CTXND2: variants seen among roughly 807,000 people sequenced by gnomAD.
CTXND2 encodes the protein cortexin domain containing 2.
intron 1 of CTXND2, among the ~76,000 whole-genome samples, chr1:150,888,835 T>C (rs1668809267): frequency 6.6e-6 from 1 of 151,754 alleles, no homozygotes; most frequent in South Asian, 2.1e-4. Context: ...GGAGGGACTA[T>C]AGGTGCGTGC....
At chr1:150,907,330 C>G (rs971998348) in intron 1 of CTXND2, among the ~76,000 whole-genome samples, 1 of 152,144 alleles carries the variant, frequency 6.6e-6, no homozygotes, top group African/African-American at 2.4e-5. Flanking sequence ...ACTTTCACCC[C>G]CTCATCCCCC....
chr1:150,902,353 G>A (rs1669053772), intron 1 of CTXND2, among the ~76,000 whole-genome samples: 1 of 151,802 alleles, frequency 6.6e-6, no homozygotes, highest in Non-Finnish European at 1.5e-5. Context: ...CTTGCAGTGA[G>A]CTGAGATTGG....
chr1:150,904,383 T>C (rs1289694910), intron 1 of CTXND2, among the ~76,000 whole-genome samples: 2 of 152,240 alleles, frequency 1.3e-5, no homozygotes, highest in Non-Finnish European at 2.9e-5. Flanking sequence ...TAAATGAATA[T>C]GTTCAGTTTT....
chr1:150,891,937 A>G (rs978312015), intron 1 of CTXND2, among the ~76,000 whole-genome samples: 1 of 152,198 alleles, frequency 6.6e-6, no homozygotes, highest in Non-Finnish European at 1.5e-5. Flanking sequence ...CAGGAAGTAC[A>G]GATTTTTTTA....
intron 1 of CTXND2, among the ~76,000 whole-genome samples, chr1:150,900,621 C>T (rs1210362918): frequency 1.3e-5 from 2 of 151,690 alleles, no homozygotes; most frequent in Non-Finnish European, 1.5e-5. Flanking sequence ...GCATTCCAGC[C>T]TGGGCCACAG....
At chr1:150,904,034 T>C (rs1334771089) in intron 1 of CTXND2, 3 of 655,048 alleles carry the variant, frequency 4.6e-6, no homozygotes, top group Non-Finnish European at 8.6e-6. Context: ...GGCTGTTGGA[T>C]TCTCTTACAC....
At chr1:150,895,280 A>AT (rs1668901846) in intron 1 of CTXND2, among the ~76,000 whole-genome samples, 1 of 151,724 alleles carries the variant, frequency 6.6e-6, no homozygotes, top group African/African-American at 2.4e-5. Context: ...GATGTTTGTC[A>AT]TTTTTTGTCT....
rs587736479 is a variant in CTXND2 at position 150,911,987 on chromosome 1, G to A, written c.-73-255G>A. ...TACCTGGATCTTAGGGGACAAGGCA[G>A]GCCCAACTGATTCCTAGGTTATATA... On this transcript the variant is annotated intron_variant, in intron 1 of 1. Transcript: ENST00000636087. 2.7e-4 allele frequency among the ~76,000 whole-genome samples: 41 copies of A among 152,290 alleles called. No homozygotes were observed. In the South Asian group the frequency reaches 7.2e-3, roughly 27 times the overall value.
At chr1:150,887,830 G>A (rs1668793461) in intron 1 of CTXND2, among the ~76,000 whole-genome samples, 1 of 149,634 alleles carries the variant, frequency 6.7e-6, no homozygotes, top group Non-Finnish European at 1.5e-5. Flanking sequence ...TTGCAGGTGG[G>A]AAGAATGAAG....
At chr1:150,900,121 C>A (rs756082748) in intron 1 of CTXND2, among the ~76,000 whole-genome samples, 1 of 152,096 alleles carries the variant, frequency 6.6e-6, no homozygotes, top group Admixed American at 6.6e-5. Context: ...CGTGTGGAGG[C>A]TGTATTCTTT....
At chr1:150,905,998 A>C (rs1232076785) in intron 1 of CTXND2, among the ~76,000 whole-genome samples, 1 of 148,466 alleles carries the variant, frequency 6.7e-6, no homozygotes, top group Non-Finnish European at 1.5e-5. Flanking sequence ...TCAAAAAAAA[A>C]AGAAGGATGA....
intron 1 of CTXND2, among the ~76,000 whole-genome samples, chr1:150,909,822 A>G (rs1669217756): frequency 6.6e-6 from 1 of 152,172 alleles, no homozygotes; most frequent in Non-Finnish European, 1.5e-5. Context: ...GCAGCAGAGG[A>G]AACCGGAACT....
intron 1 of CTXND2, chr1:150,904,072 C>T: frequency 1.5e-6 from 1 of 664,942 alleles, no homozygotes; most frequent in South Asian, 1.4e-5. Flanking sequence ...AAGGCATCAT[C>T]TGGGGAGAGG....
chr1:150,905,844 G>T (rs1270400474), intron 1 of CTXND2, among the ~76,000 whole-genome samples: 2 of 151,964 alleles, frequency 1.3e-5, no homozygotes, highest in African/African-American at 4.8e-5. Context: ...CAAAAAATTA[G>T]CCGGGTGTGG....
chr1:150,905,911 A>C (rs1669136392), intron 1 of CTXND2, among the ~76,000 whole-genome samples: 1 of 149,580 alleles, frequency 6.7e-6, no homozygotes, highest in Admixed American at 6.7e-5. Flanking sequence ...AATGGCGTGA[A>C]CCCGGGAGGC....
At chr1:150,907,601 A>G (rs1669171731) in intron 1 of CTXND2, among the ~76,000 whole-genome samples, 1 of 152,286 alleles carries the variant, frequency 6.6e-6, no homozygotes, top group African/African-American at 2.4e-5. Flanking sequence ...GCTATGATGA[A>G]TAATGCTGCT....
chr1:150,892,180 A>G (rs1225244162), intron 1 of CTXND2, among the ~76,000 whole-genome samples: 2 of 152,228 alleles, frequency 1.3e-5, no homozygotes, highest in Non-Finnish European at 2.9e-5. Flanking sequence ...GTAATGATGA[A>G]TAATGAGAAA....
intron 1 of CTXND2, among the ~76,000 whole-genome samples, chr1:150,911,942 T>TCAGATGTTTAA (rs1669262929): frequency 6.6e-6 from 1 of 152,192 alleles, no homozygotes; most frequent in South Asian, 2.1e-4. Flanking sequence ...AACACAGAAT[T>TCAGATGTTTAA]CAGATGTTTA....
At chr1:150,897,766 T>C (rs1204101193) in intron 1 of CTXND2, among the ~76,000 whole-genome samples, 1 of 152,216 alleles carries the variant, frequency 6.6e-6, no homozygotes, top group Non-Finnish European at 1.5e-5. Flanking sequence ...AATATATATA[T>C]ACACCCAAAG....
Sources: allele counts gnomAD v4.1 joint callset (sites outside exome capture counted in the v4.1 genomes callset), GRCh38; gene constraint gnomAD v4.1.1; transcripts MANE v1.5; gene names NCBI Gene and HGNC (gene_info 2026-07-23, HGNC 2026-07-21).